LDLRAD4: variants seen among roughly 807,000 people sequenced by gnomAD.
The protein encoded by LDLRAD4 is low-density lipoprotein receptor class A domain-containing protein 4.
A neutral mutation model predicts 17.0 loss-of-function variants in LDLRAD4; 5 were observed. That is an observed-to-expected ratio of 0.29 (90% confidence interval 0.15 to 0.62). The LOEUF (loss-of-function observed/expected upper bound fraction) is 0.62. Among genes scored for constraint, LDLRAD4 ranks in the 20% least tolerant of loss-of-function variants. The pLI is 0.84. For synonymous variants in LDLRAD4, 168 were observed against 171.8 expected, an observed-to-expected ratio of 0.98 and a Z score of 0.17; for missense variants, 340 against 424.7, an observed-to-expected ratio of 0.80 and a Z score of 1.75.
intron 3 of LDLRAD4, chr18:13,487,102 G>A (rs1194860310): frequency 6.6e-6 from 1 of 152,152 alleles, no homozygotes; most frequent in Non-Finnish European, 1.5e-5. Context: ...TTTTAAATAG[G>A]GGTCTTTTTT....
At chr18:13,432,108 A>G (rs1431253059) in intron 2 of LDLRAD4, among the ~76,000 whole-genome samples, 2 of 152,196 alleles carry the variant, frequency 1.3e-5, no homozygotes, top group Non-Finnish European at 2.9e-5. Context: ...AGCCTACTCA[A>G]CATGTGCACC....
rs536102214 is a variant in LDLRAD4 at position 13,269,498 on chromosome 18, T to C, written c.-466-8607T>C. ...AGCATGTCTCTATTTTCAATTAAAATGATCCGTTAATGTGGGAATATTTGG... is the reference window on the plus strand; with the variant it reads ...AGCATGTCTCTATTTTCAATTAAAACGATCCGTTAATGTGGGAATATTTGG... On this transcript the variant is annotated intron_variant, in intron 1 of 5. Coordinates refer to the LDLRAD4 transcript ENST00000399848. Among the ~76,000 whole-genome samples, 31 of 152,332 alleles carry C rather than the reference T, an allele frequency of 2.0e-4. No individual in the cohort carries two copies. In the South Asian group the frequency reaches 6.4e-3, roughly 32 times the overall value.
At chr18:13,509,832 G>C (rs2093749976) in intron 3 of LDLRAD4, among the ~76,000 whole-genome samples, 1 of 152,192 alleles carries the variant, frequency 6.6e-6, no homozygotes, top group Admixed American at 6.5e-5. Context: ...CCACCACTGT[G>C]ATCATTCAGC....
intron 3 of LDLRAD4, among the ~76,000 whole-genome samples, chr18:13,560,823 A>G (rs1490157543): frequency 6.6e-6 from 1 of 152,210 alleles, no homozygotes; most frequent in African/African-American, 2.4e-5. Context: ...GGCTGAGAAG[A>G]AAGTAGAGAA....
At chr18:13,497,681 T>C (rs2093500104) in intron 3 of LDLRAD4, among the ~76,000 whole-genome samples, 1 of 152,212 alleles carries the variant, frequency 6.6e-6, no homozygotes, top group Admixed American at 6.5e-5. Flanking sequence ...AAAACACATA[T>C]GGGGGAGCCT....
At chr18:13,347,610 T>C (rs540258371) in intron 1 of LDLRAD4, among the ~76,000 whole-genome samples, 287 of 152,358 alleles carry the variant, frequency 1.9e-3, no homozygotes, top group African/African-American at 6.5e-3. Flanking sequence ...TGAATTTGAA[T>C]GTTGGCCTGC....
intron 3 of LDLRAD4, among the ~76,000 whole-genome samples, chr18:13,585,152 C>A: frequency 6.6e-6 from 1 of 152,222 alleles, no homozygotes; most frequent in East Asian, 1.9e-4. Flanking sequence ...ATTTCCATAG[C>A]ACCCAGACAG....
rs556006789 is a variant in LDLRAD4, at chr18:13,421,429, C to T, written c.41-16815C>T. Among the ~76,000 whole-genome samples, 94 of 152,242 alleles carry T rather than the reference C, an allele frequency of 6.2e-4. 1 individual carries two copies. The highest frequency in any genetic ancestry group is 2.1e-3 in the African/African-American group (89 of 41,534). ...GGAGGTGAGCATGCAGGGTGGCCTC[C>T]CAGCCCTCCCCCAGGTGACCTGTGC... On this transcript the variant is annotated intron_variant, in intron 2 of 5. Transcript: ENST00000359446.
chr18:13,424,430 C>T (rs1303341350), intron 2 of LDLRAD4, among the ~76,000 whole-genome samples: 1 of 152,190 alleles, frequency 6.6e-6, no homozygotes, highest in Non-Finnish European at 1.5e-5. Context: ...AGTGCACTGA[C>T]TTCTCTTTTC....
chr18:13,278,813 A>T (rs1319185603), intron 1 of LDLRAD4, among the ~76,000 whole-genome samples: 1 of 152,150 alleles, frequency 6.6e-6, no homozygotes, highest in Non-Finnish European at 1.5e-5. Flanking sequence ...AGGGTCTAGA[A>T]CAGTGCCTGC....
At chr18:13,512,677 A>G (rs2093800517) in intron 3 of LDLRAD4, among the ~76,000 whole-genome samples, 2 of 152,192 alleles carry the variant, frequency 1.3e-5, no homozygotes. Context: ...AGAAAATTAG[A>G]GATTGATTTT....
At chr18:13,446,406 T>A (rs1189643431) in intron 3 of LDLRAD4, among the ~76,000 whole-genome samples, 1 of 152,190 alleles carries the variant, frequency 6.6e-6, no homozygotes, top group Non-Finnish European at 1.5e-5. Flanking sequence ...CCAACCGTCT[T>A]CTGTTCAGAA....
chr18:13,284,009 C>T (rs2045455910), intron 1 of LDLRAD4, among the ~76,000 whole-genome samples: 1 of 152,048 alleles, frequency 6.6e-6, no homozygotes, highest in Admixed American at 6.5e-5. Flanking sequence ...CAGGAAAGGC[C>T]CTCATAATTC....
intron 1 of LDLRAD4, among the ~76,000 whole-genome samples, chr18:13,349,216 C>A: frequency 6.6e-6 from 1 of 152,158 alleles, no homozygotes; most frequent in East Asian, 1.9e-4. Context: ...ATCTTGGCTC[C>A]CCAACAATAG....
intron 1 of LDLRAD4, among the ~76,000 whole-genome samples, chr18:13,230,231 C>T (rs1423456754): frequency 1.3e-5 from 2 of 152,190 alleles, no homozygotes; most frequent in East Asian, 1.9e-4. Flanking sequence ...TGATCTTGGA[C>T]GTCCCATCCA....
intron 3 of LDLRAD4, among the ~76,000 whole-genome samples, chr18:13,597,547 C>G (rs1350653344): frequency 6.7e-6 from 1 of 149,676 alleles, no homozygotes; most frequent in African/African-American, 2.5e-5. Context: ...TGTGGTACTC[C>G]TAATGTGTAT....
chr18:13,433,955 T>G (rs1454593657), intron 2 of LDLRAD4, among the ~76,000 whole-genome samples: 1 of 152,100 alleles, frequency 6.6e-6, no homozygotes, highest in Non-Finnish European at 1.5e-5. Flanking sequence ...AAATCTCGGG[T>G]TTTATGTTCC....
chr18:13,323,803 G>A (rs953176144), intron 1 of LDLRAD4, among the ~76,000 whole-genome samples: 1 of 152,148 alleles, frequency 6.6e-6, no homozygotes, highest in African/African-American at 2.4e-5. Context: ...AAGGAAATAA[G>A]TTCAGAGAAG....
chr18:13,287,643 G>A (rs917568396), intron 1 of LDLRAD4, among the ~76,000 whole-genome samples: 5 of 152,168 alleles, frequency 3.3e-5, no homozygotes, highest in African/African-American at 1.2e-4. Context: ...GGCGGGAGGT[G>A]CCCAAATTCT....
Sources: allele counts gnomAD v4.1 joint callset (sites outside exome capture counted in the v4.1 genomes callset), GRCh38; gene constraint gnomAD v4.1.1; transcripts MANE v1.5; gene names NCBI Gene and HGNC (gene_info 2026-07-23, HGNC 2026-07-21).